The following SMPDL3B variants were observed in gnomAD, a reference collection of about 807,000 sequenced individuals.
The protein encoded by SMPDL3B is sphingomyelin phosphodiesterase acid like 3B.
SMPDL3B carries 31 observed loss-of-function variants against 37.9 expected under a neutral mutation model. That is an observed-to-expected ratio of 0.82 (90% CI 0.61 to 1.10). The LOEUF (loss-of-function observed/expected upper bound fraction) is 1.10. SMPDL3B is among the 50% of genes least tolerant of loss of function. The pLI is 0.00. For missense variants in SMPDL3B, 525 were observed against 597.8 expected (o/e 0.88, Z 1.27); for synonymous variants, 235 against 242.6 (o/e 0.97, Z 0.29).
chr1:27,944,012 CAAAAAAAA>C (rs5773206), intron 1 of SMPDL3B, among the ~76,000 whole-genome samples: 2 of 92,326 alleles, frequency 2.2e-5, no homozygotes, highest in Non-Finnish European at 4.3e-5. Flanking sequence ...AACTCTGTCT[CAAAAAAAA>C]AAAAAAAAAA....
intron 1 of SMPDL3B, among the ~76,000 whole-genome samples, chr1:27,941,166 T>G (rs758197300): frequency 6.6e-6 from 1 of 152,202 alleles, no homozygotes; most frequent in Non-Finnish European, 1.5e-5. Flanking sequence ...CATATTCTTA[T>G]GGAAAGCATG....
intron 2 of SMPDL3B, among the ~76,000 whole-genome samples, chr1:27,948,755 A>G (rs924992279): frequency 1.3e-5 from 2 of 152,222 alleles, no homozygotes; most frequent in African/African-American, 4.8e-5. Flanking sequence ...TTATGTATAT[A>G]ATTTTCCTCC....
At chr1:27,943,664 G>T (rs1216265567) in intron 1 of SMPDL3B, among the ~76,000 whole-genome samples, 3 of 152,072 alleles carry the variant, frequency 2.0e-5, no homozygotes, top group African/African-American at 7.2e-5. Context: ...ATGAACAGAG[G>T]CCAGATCTGC....
Position 27,935,235 on chromosome 1 carries a change from G to T in SMPDL3B, c.52G>T (p.Ala18Ser), listed in dbSNP as rs2090296598. The change falls in exon 1 of 8, where the codon GCT becomes TCT. Residue 18 changes from alanine (A) to serine (S), a missense_variant. By Grantham distance (99) the Ala-to-Ser change is moderately conservative. Transcript: ENST00000373894. ...CCTGGCTAACTGGGGAGGTGCCAGGGCTGAACCAGGTACAGCACTGGGAAT... is the reference window on the plus strand; with the variant it reads ...CCTGGCTAACTGGGGAGGTGCCAGGTCTGAACCAGGTACAGCACTGGGAAT... Reference protein sequence around the residue: ...IFLANWGGARAEPGKFWHIAD... With the variant: ...IFLANWGGARSEPGKFWHIAD... The T allele has an allele frequency of 1.2e-6, 2 of 1,612,802 alleles. No homozygotes were observed. The highest frequency in any genetic ancestry group is 1.7e-6 in the Non-Finnish European group (2 of 1,178,910).
Position 27,955,987 on chromosome 1 carries a change from A to T in SMPDL3B, c.910A>T (p.Thr304Ser). 6.2e-7 allele frequency: 1 copy of T among 1,613,900 alleles called. No individual in the cohort carries two copies. Among genetic ancestry groups the T allele is most frequent in the Non-Finnish European group, 8.5e-7 (1 of 1,179,986 alleles). Residue 304 changes from threonine to serine, a missense_variant, in exon 7 of 8, where the codon ACC becomes TCC. Physicochemically the swap from Thr to Ser is moderately conservative, Grantham distance 58. Transcript: ENST00000373894. ...CGCCATGTTCATCACACCTGGAGTCACCCCATGGAAAACCACATTACCTGG... is the reference window on the plus strand; with the variant it reads ...CGCCATGTTCATCACACCTGGAGTCTCCCCATGGAAAACCACATTACCTGG... The part of the protein sequence containing the change: ...ISAMFITPGV[T>S]PWKTTLPGVV...
intron 1 of SMPDL3B, among the ~76,000 whole-genome samples, chr1:27,942,054 C>T (rs1471526730): frequency 6.6e-6 from 1 of 152,138 alleles, no homozygotes; most frequent in Admixed American, 6.6e-5. Context: ...TGTACACACA[C>T]CCTTCAGCAG....
rs1265356616 is a variant in SMPDL3B, at chr1:27,958,622, C to T, written c.1152C>T (p.Gly384=). 3 of 1,613,434 alleles carry T rather than the reference C, an allele frequency of 1.9e-6. No individual in the cohort carries two copies. Among genetic ancestry groups the T allele is most frequent in the East Asian group, 2.2e-5 (1 of 44,878 alleles). Residue 384 remains glycine, a synonymous_variant, in exon 8 of 8, where the codon GGC becomes GGT. Transcript: ENST00000373894. This position sits in a 1 kb window ranked among gnomAD's most constrained non-coding sequence, Gnocchi z 5.6. ...ACACAGTGCTGGACCGCATCGCTGGCGACCAGAGCACACTGCAGCGCTACT... is the reference window on the plus strand; with the variant it reads ...ACACAGTGCTGGACCGCATCGCTGGTGACCAGAGCACACTGCAGCGCTACT... ...SMHTVLDRIA[G]DQSTLQRYYV...
At chr1:27,937,909 T>C (rs1192389488) in intron 1 of SMPDL3B, among the ~76,000 whole-genome samples, 1 of 152,204 alleles carries the variant, frequency 6.6e-6, no homozygotes, top group African/African-American at 2.4e-5. Context: ...CAGTGTGGCA[T>C]GTCAATTTAC....
intron 2 of SMPDL3B, among the ~76,000 whole-genome samples, chr1:27,948,219 G>A (rs1557495730): frequency 6.6e-6 from 1 of 152,082 alleles, no homozygotes; most frequent in Non-Finnish European, 1.5e-5. Flanking sequence ...TCTGTCAAAC[G>A]GGCCTAAACT....
intron 1 of SMPDL3B, among the ~76,000 whole-genome samples, chr1:27,943,838 A>G (rs1213587834): frequency 6.6e-6 from 1 of 151,654 alleles, no homozygotes; most frequent in Non-Finnish European, 1.5e-5. Context: ...CATTTCTACT[A>G]AAAATACAAA....
rs764794646 is a variant in SMPDL3B at position 27,945,428 on chromosome 1, C to A, written c.258C>A (p.Asp86Glu). 1.2e-6 allele frequency: 2 copies of A among 1,614,040 alleles called. No homozygotes were observed. The highest frequency in any genetic ancestry group is 4.5e-5 in the East Asian group (2 of 44,888). The change falls in exon 2 of 8, where the codon GAC (aspartate) becomes GAA (glutamate). Residue 86 changes from aspartate (D) to glutamate (E), a missense_variant. By Grantham distance (45) the Asp-to-Glu change is conservative. Transcript: ENST00000373894. This position sits in a 1 kb window ranked among gnomAD's most constrained non-coding sequence, Gnocchi z 4.0. ...YAMKEIEPEP[D>E]FILWTGDDTP... Reference sequence around the variant, plus strand: ...TGAAGGAGATTGAGCCAGAGCCAGACTTCATTCTCTGGACTGGGTGAGTAC... The same window carrying A: ...TGAAGGAGATTGAGCCAGAGCCAGAATTCATTCTCTGGACTGGGTGAGTAC...
chr1:27,950,641 T>A (rs1216372694), intron 3 of SMPDL3B, among the ~76,000 whole-genome samples: 1 of 152,062 alleles, frequency 6.6e-6, no homozygotes, highest in African/African-American at 2.4e-5. Context: ...TATTTTTTTA[T>A]TTTTTTAAGG....
chr1:27,946,712 C>T (rs1481248082), intron 2 of SMPDL3B, among the ~76,000 whole-genome samples: 1 of 152,174 alleles, frequency 6.6e-6, no homozygotes, highest in Non-Finnish European at 1.5e-5. Flanking sequence ...CCTCTACCAG[C>T]CTCAGTGGAC....
At chr1:27,950,136 G>C (rs4614288) in intron 3 of SMPDL3B, among the ~76,000 whole-genome samples, 1 of 151,902 alleles carries the variant, frequency 6.6e-6, no homozygotes, top group South Asian at 2.1e-4. Context: ...TGCCCTTACT[G>C]TCTGTTCCCG....
At chr1:27,946,363 AAAG>A (rs982416125) in intron 2 of SMPDL3B, among the ~76,000 whole-genome samples, 4 of 151,946 alleles carry the variant, frequency 2.6e-5, no homozygotes, top group Non-Finnish European at 5.9e-5. Context: ...CAAAAAAAAA[AAAG>A]AAAGAAAAAG....
At position 27,956,062 on chromosome 1, in the gene SMPDL3B, C is replaced by T. The variant is rs764324266; in HGVS notation, c.985C>T (p.Arg329Ter). 1.1e-5 allele frequency: 17 copies of T among 1,613,738 alleles called. No homozygotes were observed. In the East Asian group the frequency reaches 1.6e-4, roughly 15 times the overall value. ...AGCCATCCGGGTGTTCGAATATGAC[C>T]GAGCCACACTGAGCCTGAAGGTCAG... ...NPAIRVFEYD[R>*]ATLSLKDMVT... Residue 329 changes from arginine to a stop codon, truncating the protein, a stop_gained, in exon 7 of 8, where the codon CGA becomes TGA. Coordinates refer to ENST00000373894, the MANE Select transcript of SMPDL3B (RefSeq NM_014474.4). LOFTEE classifies it low-confidence loss of function (END_TRUNC).
chr1:27,958,890 G>C lies in SMPDL3B; in HGVS notation c.*52G>C, dbSNP rs1638389575. On this transcript the variant is annotated 3_prime_UTR_variant, in exon 8 of 8. Transcript: ENST00000373894. This position sits in a 1 kb window ranked among gnomAD's most constrained non-coding sequence, Gnocchi z 5.6. ...AACGGGTAACGGGGGCAGCGCCCAGGATCACCCAGAGCTGGGCCTTCCACC... is the reference window on the plus strand; with the variant it reads ...AACGGGTAACGGGGGCAGCGCCCAGCATCACCCAGAGCTGGGCCTTCCACC... 1.3e-6 allele frequency: 2 copies of C among 1,490,126 alleles called. No homozygotes were observed. The highest frequency in any genetic ancestry group is 1.8e-6 in the Non-Finnish European group (2 of 1,116,520). The allele number at this position is 1,490,126 out of a possible 1,614,324, so 92.3% of individuals were successfully genotyped here.
At chr1:27,947,101 A>C (rs2090415839) in intron 2 of SMPDL3B, among the ~76,000 whole-genome samples, 1 of 148,446 alleles carries the variant, frequency 6.7e-6, no homozygotes, top group African/African-American at 2.5e-5. Flanking sequence ...CAATGGCGTG[A>C]TCTTGGCTCA....
chr1:27,949,818 C>T (rs773969296), intron 3 of SMPDL3B, among the ~76,000 whole-genome samples: 1 of 152,026 alleles, frequency 6.6e-6, no homozygotes, highest in African/African-American at 2.4e-5. Context: ...AGCCCATAGC[C>T]CCCACCCCCA....
Sources: allele counts gnomAD v4.1 joint callset (sites outside exome capture counted in the v4.1 genomes callset), GRCh38; gene constraint gnomAD v4.1.1; non-coding constraint Gnocchi (gnomAD v3.1); transcripts MANE v1.5; gene names NCBI Gene and HGNC (gene_info 2026-07-23, HGNC 2026-07-21).